The following CSMD1 variants were observed in gnomAD, a reference collection of about 807,000 sequenced individuals.
The protein encoded by CSMD1 is CUB and sushi domain-containing protein 1.
In CSMD1, 213 loss-of-function variants were observed where a neutral mutation model predicts 417.5. The ratio of observed to expected loss-of-function variants is 0.51; its 90% CI spans 0.46 to 0.57. CSMD1 has a LOEUF of 0.57. CSMD1 is among the 20% of genes least tolerant of loss of function. The pLI, the probability that CSMD1 is intolerant of heterozygous loss-of-function variation, is 0.00. For missense variants in CSMD1, 6,923 were observed against 4,529.7 expected (o/e 1.53, Z -15.17); for synonymous variants, 2,862 against 1,736.8 (o/e 1.65, Z -16.11).
intron 1 of CSMD1, among the ~76,000 whole-genome samples, chr8:4,681,601 C>G (rs530677410): frequency 2.0e-5 from 3 of 152,138 alleles, no homozygotes; most frequent in Admixed American, 1.3e-4. Flanking sequence ...GAACTCGAGC[C>G]TGGTAAATAT....
At chr8:3,255,692 G>A (rs1249817563) in intron 26 of CSMD1, among the ~76,000 whole-genome samples, 2 of 152,226 alleles carry the variant, frequency 1.3e-5, no homozygotes, top group African/African-American at 2.4e-5. Flanking sequence ...ATCTCCTGGT[G>A]TGCCGTTTGC....
intron 1 of CSMD1, among the ~76,000 whole-genome samples, chr8:4,917,428 A>T (rs1806139139): frequency 6.6e-6 from 1 of 152,110 alleles, no homozygotes. Flanking sequence ...AGGTCAGGAG[A>T]TCGAGACCAC....
At chr8:4,516,145 G>T (rs1457050865) in intron 2 of CSMD1, among the ~76,000 whole-genome samples, 1 of 152,054 alleles carries the variant, frequency 6.6e-6, no homozygotes, top group African/African-American at 2.4e-5. Context: ...AAGAGGTCAT[G>T]CAGGGGCCCT....
chr8:3,339,634 C>G (rs1807510314), intron 23 of CSMD1, among the ~76,000 whole-genome samples: 1 of 152,338 alleles, frequency 6.6e-6, no homozygotes, highest in Non-Finnish European at 1.5e-5. Flanking sequence ...ACTCTGATAT[C>G]CAATGCTTCT....
At chr8:3,327,244 G>T (rs184378270) in intron 23 of CSMD1, among the ~76,000 whole-genome samples, 1 of 151,650 alleles carries the variant, frequency 6.6e-6, no homozygotes, top group Non-Finnish European at 1.5e-5. Context: ...CCAGGTTCAC[G>T]CCATTCTCCT....
chr8:3,510,559 T>G (rs1009785259), intron 10 of CSMD1, among the ~76,000 whole-genome samples: 2 of 151,840 alleles, frequency 1.3e-5, no homozygotes, highest in Non-Finnish European at 2.9e-5. Context: ...CATTTGTCAC[T>G]TGCTTAACAC....
intron 1 of CSMD1, among the ~76,000 whole-genome samples, chr8:4,705,423 T>A (rs1807866809): frequency 6.6e-6 from 1 of 152,176 alleles, no homozygotes; most frequent in African/African-American, 2.4e-5. Context: ...CACAAAACCC[T>A]AATCCCCAGT....
chr8:4,051,101 G>C (rs368646046), intron 3 of CSMD1, among the ~76,000 whole-genome samples: 27 of 151,936 alleles, frequency 1.8e-4, no homozygotes, highest in African/African-American at 6.5e-4. Context: ...CATCTTTATT[G>C]AAAGGGAGAA....
At chr8:4,063,098 C>T (rs1188432075) in intron 3 of CSMD1, among the ~76,000 whole-genome samples, 1 of 152,008 alleles carries the variant, frequency 6.6e-6, no homozygotes. Context: ...TTTGATAGCA[C>T]TGTAAGTTGA....
intron 1 of CSMD1, among the ~76,000 whole-genome samples, chr8:4,781,405 C>T (rs1402637450): frequency 6.6e-6 from 1 of 152,164 alleles, no homozygotes; most frequent in African/African-American, 2.4e-5. Context: ...TACCCCCATC[C>T]AAGAATGCTT....
At chr8:3,800,182 T>G (rs1009591794) in intron 5 of CSMD1, among the ~76,000 whole-genome samples, 2 of 152,196 alleles carry the variant, frequency 1.3e-5, no homozygotes, top group Non-Finnish European at 2.9e-5. Context: ...TGGCTAGACA[T>G]GAAAATTCAG....
intron 23 of CSMD1, among the ~76,000 whole-genome samples, chr8:3,323,228 C>G (rs1224022540): frequency 2.0e-5 from 3 of 152,154 alleles, no homozygotes; most frequent in Non-Finnish European, 4.4e-5. Context: ...GATTAAAAAC[C>G]TAACACAAAT....
chr8:4,793,544 T>G (rs865797554), intron 1 of CSMD1, among the ~76,000 whole-genome samples: 2 of 152,004 alleles, frequency 1.3e-5, no homozygotes, highest in Admixed American at 6.6e-5. Context: ...CTGTTCTGCT[T>G]GCAGAAATTA....
chr8:4,916,999 C>G (rs1008170066), intron 1 of CSMD1, among the ~76,000 whole-genome samples: 2 of 152,160 alleles, frequency 1.3e-5, no homozygotes, highest in African/African-American at 4.8e-5. Flanking sequence ...CTCATTCTTA[C>G]CTTGCTATAA....
At chr8:3,539,640 C>G (rs531030117) in intron 10 of CSMD1, among the ~76,000 whole-genome samples, 1 of 152,122 alleles carries the variant, frequency 6.6e-6, no homozygotes, top group African/African-American at 2.4e-5. Flanking sequence ...CTCCCTCCCC[C>G]ATCCCTCACT....
intron 12 of CSMD1, among the ~76,000 whole-genome samples, chr8:3,468,308 T>G (rs994819134): frequency 2.6e-5 from 4 of 152,206 alleles, no homozygotes; most frequent in African/African-American, 9.6e-5. Context: ...AATATTTGAA[T>G]TTGGCTCATA....
intron 51 of CSMD1, among the ~76,000 whole-genome samples, chr8:3,023,785 G>C (rs761927687): frequency 9.3e-5 from 14 of 150,186 alleles, no homozygotes; most frequent in Non-Finnish European, 1.6e-4. Flanking sequence ...AAGCAAATAA[G>C]TAACTGAAAA....
At chr8:4,104,057 G>C (rs17404503) in intron 3 of CSMD1, among the ~76,000 whole-genome samples, 14,147 of 152,184 alleles carry the variant, frequency 0.093, 749 homozygotes, top group Middle Eastern at 0.18. Context: ...CATTACTCAA[G>C]TACTACAATA....
chr8:3,141,990 G>C (rs1410975381), intron 41 of CSMD1, among the ~76,000 whole-genome samples: 1 of 152,000 alleles, frequency 6.6e-6, no homozygotes, highest in Admixed American at 6.6e-5. Flanking sequence ...GTAGAGACGG[G>C]GTTTCACCGT....
Sources: allele counts gnomAD v4.1 joint callset (sites outside exome capture counted in the v4.1 genomes callset), GRCh38; gene constraint gnomAD v4.1.1; transcripts MANE v1.5; gene names NCBI Gene and HGNC (gene_info 2026-07-23, HGNC 2026-07-21).